The following SCEL variants were observed in gnomAD, a reference collection of about 807,000 sequenced individuals.
SCEL encodes sciellin.
A neutral mutation model predicts 117.6 loss-of-function variants in SCEL; 113 were observed. That is an observed-to-expected ratio of 0.96 (90% confidence interval 0.83 to 1.12). SCEL has a LOEUF of 1.12. Ranked by LOEUF, SCEL falls within the 50% of genes most tolerant of loss-of-function variation. The pLI is 0.00. For synonymous variants in SCEL, 270 were observed against 256.2 expected (o/e 1.05, Z -0.51); for missense variants, 785 against 810.8 (o/e 0.97, Z 0.39).
chr13:77,595,505 GTCT>G (rs2087173010), intron 12 of SCEL, among the ~76,000 whole-genome samples: 1 of 152,142 alleles, frequency 6.6e-6, no homozygotes, highest in Non-Finnish European at 1.5e-5. Context: ...GCCACAGAGT[GTCT>G]TCTCATGATT....
intron 1 of SCEL, among the ~76,000 whole-genome samples, chr13:77,542,500 G>C (rs1454818466): frequency 6.6e-6 from 1 of 152,206 alleles, no homozygotes; most frequent in Non-Finnish European, 1.5e-5. Context: ...TTCACCAGCA[G>C]TAAACAAGTT....
At chr13:77,602,922 G>T in intron 17 of SCEL, 154 bp from the exon 18 acceptor site, 1 of 622,562 alleles carries the variant, frequency 1.6e-6, no homozygotes, top group Non-Finnish European at 2.7e-6. Flanking sequence ...ATTAAACTAT[G>T]TTATTGATTG....
chr13:77,577,095 G>T (rs749462061), intron 9 of SCEL, among the ~76,000 whole-genome samples: 13 of 152,116 alleles, frequency 8.5e-5, no homozygotes, highest in Non-Finnish European at 1.3e-4. Flanking sequence ...AAAACAATTT[G>T]ACTTCCTCTC....
At chr13:77,549,777 A>G (rs979891772) in intron 1 of SCEL, among the ~76,000 whole-genome samples, 2 of 152,190 alleles carry the variant, frequency 1.3e-5, no homozygotes, top group African/African-American at 4.8e-5. Context: ...GGCCACAATT[A>G]TGAATGATCC....
chr13:77,539,066 G>A (rs945171835), intron 1 of SCEL, among the ~76,000 whole-genome samples: 1 of 152,132 alleles, frequency 6.6e-6, no homozygotes, highest in Non-Finnish European at 1.5e-5. Flanking sequence ...GAGATGCTGT[G>A]TGTAAAAGTT....
At chr13:77,619,487 G>T (rs1240814182) in intron 27 of SCEL, among the ~76,000 whole-genome samples, 1 of 152,192 alleles carries the variant, frequency 6.6e-6, no homozygotes, top group Non-Finnish European at 1.5e-5. Context: ...GGTTAAATCA[G>T]CTCAGACTCT....
Position 77,602,079 on chromosome 13 carries a change from G to T in SCEL, c.932G>T (p.Gly311Val). ...DKDGKGIQSL[G>V]SPIKVNQRTD... ...ATGTTGTAAAGAATCCAAAGCCTTGGAAGTCCGATTAAAGTTAATCAAAGG... is the reference window on the plus strand; with the variant it reads ...ATGTTGTAAAGAATCCAAAGCCTTGTAAGTCCGATTAAAGTTAATCAAAGG... The change falls in exon 16 of 33, where the codon GGA becomes GTA. Residue 311 changes from glycine (G) to valine (V), a missense_variant. Transcript: ENST00000349847. 1.2e-6 allele frequency: 2 copies of T among 1,610,042 alleles called. No homozygotes were observed. Among genetic ancestry groups the T allele is most frequent in the South Asian group, 2.2e-5 (2 of 90,436 alleles).
At chr13:77,612,456 C>CTTTTTTTTTTTTTTTTTTTTTTTTTTT (rs71102764) in intron 22 of SCEL, among the ~76,000 whole-genome samples, 1 of 93,544 alleles carries the variant, frequency 1.1e-5, no homozygotes, top group Non-Finnish European at 2.1e-5. Context: ...TTTTTCTTTT[C>CTTTTTTTTTTTTTTTTTTTTTTTTTTT]TTTTTTTTTT....
chr13:77,549,382 G>A (rs1411719606), intron 1 of SCEL, among the ~76,000 whole-genome samples: 2 of 152,158 alleles, frequency 1.3e-5, no homozygotes. Flanking sequence ...AATAGCAGGT[G>A]CTCAATTGAA....
intron 4 of SCEL, 87 bp from the exon 5 acceptor site, chr13:77,563,744 A>C (rs925811144): frequency 2.1e-6 from 2 of 956,436 alleles, no homozygotes; most frequent in Non-Finnish European, 3.1e-6. Flanking sequence ...ATAGGTCAAA[A>C]TATTGCCATA....
At position 77,631,858 on chromosome 13, in the gene SCEL, A is replaced by T. The variant is rs150445162; in HGVS notation, c.1692-2521A>T. Among the ~76,000 whole-genome samples the T allele has an allele frequency of 1.1e-3, 172 of 152,342 alleles. 1 individual carries two copies. Among genetic ancestry groups the T allele is most frequent in the African/African-American group, 3.9e-3 (161 of 41,584 alleles). On this transcript the variant is annotated intron_variant, in intron 28 of 32. Transcript: ENST00000349847. ...GGGCTGCCATAACAAAATACCACAG[A>T]CTGGGTGGCTTAGACAATGGACATT...
At position 77,634,367 on chromosome 13, in the gene SCEL, T is replaced by C. The variant is rs2090172157; in HGVS notation, c.1692-12T>C. The C allele has an allele frequency of 1.2e-6, 2 of 1,610,170 alleles. No homozygotes were observed. The highest frequency in any genetic ancestry group is 1.7e-6 in the Non-Finnish European group (2 of 1,176,694). On this transcript the variant is annotated splice_polypyrimidine_tract_variant and intron_variant, in intron 28 of 32. Transcript: ENST00000349847. ...AAACTTTAATCATGAAGTAAAATGA[T>C]TTGTTTTGCAGCTCTAACACTGGAG...
intron 29 of SCEL, among the ~76,000 whole-genome samples, chr13:77,636,438 C>T (rs376766436): frequency 2.6e-5 from 4 of 152,126 alleles, no homozygotes; most frequent in Non-Finnish European, 5.9e-5. Flanking sequence ...ATGTGGTTAT[C>T]AATCATTGTA....
intron 18 of SCEL, among the ~76,000 whole-genome samples, chr13:77,603,871 T>A (rs933015044): frequency 6.6e-5 from 10 of 152,216 alleles, no homozygotes; most frequent in African/African-American, 2.4e-4. Flanking sequence ...AAGCATACGT[T>A]CTTATTCTTT....
At chr13:77,643,090 G>A (rs2090637476) in intron 32 of SCEL, among the ~76,000 whole-genome samples, 1 of 152,118 alleles carries the variant, frequency 6.6e-6, no homozygotes, top group African/African-American at 2.4e-5. Context: ...GAAAGTTATT[G>A]TCTACTCACA....
chr13:77,609,156 C>T, intron 21 of SCEL, 39 bp downstream of exon 21: 1 of 1,423,756 alleles, frequency 7.0e-7, no homozygotes, highest in Non-Finnish European at 9.6e-7. Context: ...TTCATAGTAA[C>T]CAATGCCTAA....
intron 29 of SCEL, among the ~76,000 whole-genome samples, chr13:77,635,049 A>G (rs2090208719): frequency 1.3e-5 from 2 of 152,346 alleles, no homozygotes; most frequent in South Asian, 2.1e-4. Context: ...AAATGCTGGT[A>G]TACATGACCC....
At chr13:77,618,802 T>C (rs1469464461) in intron 27 of SCEL, among the ~76,000 whole-genome samples, 1 of 152,022 alleles carries the variant, frequency 6.6e-6, no homozygotes, top group Non-Finnish European at 1.5e-5. Context: ...AAACTAATGG[T>C]TTATGTGGAT....
chr13:77,638,371 C>G (rs773860189), intron 30 of SCEL, among the ~76,000 whole-genome samples: 2 of 151,894 alleles, frequency 1.3e-5, no homozygotes, highest in Non-Finnish European at 2.9e-5. Flanking sequence ...ATCTGGATAG[C>G]CAATTAAAAA....
Sources: allele counts gnomAD v4.1 joint callset (sites outside exome capture counted in the v4.1 genomes callset), GRCh38; gene constraint gnomAD v4.1.1; transcripts MANE v1.5; gene names NCBI Gene and HGNC (gene_info 2026-07-23, HGNC 2026-07-21).